Variants in PKNOX2 observed in about 807,000 individuals in gnomAD.
PKNOX2 encodes the protein homeobox protein PKNOX2.
A neutral mutation model predicts 53.1 loss-of-function variants in PKNOX2; 14 were observed. The observed-to-expected ratio is 0.26, with a 90% confidence interval of 0.17 to 0.41. The LOEUF is 0.41. Among genes scored for constraint, PKNOX2 ranks in the 10% least tolerant of loss-of-function variants. The probability of loss-of-function intolerance (pLI) is 1.00; values close to 1 mark genes in which losing one functional copy is unlikely to be tolerated. For synonymous variants in PKNOX2, 257 were observed against 242.8 expected (o/e 1.06, Z -0.54); for missense variants, 496 against 602.8 (o/e 0.82, Z 1.85).
chr11:125,400,375 T>C (rs1452189493), intron 7 of PKNOX2, among the ~76,000 whole-genome samples: 1 of 152,184 alleles, frequency 6.6e-6, no homozygotes, highest in Non-Finnish European at 1.5e-5. Context: ...TCAGCCCACC[T>C]GCACACCCAT....
intron 11 of PKNOX2, 67 bp from the exon 12 acceptor site, chr11:125,429,896 C>T: frequency 6.7e-7 from 1 of 1,502,622 alleles, no homozygotes; most frequent in Non-Finnish European, 9.0e-7. Context: ...CAGCTTCACC[C>T]TCCCTGCCCC....
chr11:125,345,184 T>A (rs1950904978), intron 3 of PKNOX2, among the ~76,000 whole-genome samples: 1 of 152,162 alleles, frequency 6.6e-6, no homozygotes, highest in Non-Finnish European at 1.5e-5. Flanking sequence ...GTGTTTGCTG[T>A]GCTGTAAGGT....
intron 1 of PKNOX2, among the ~76,000 whole-genome samples, chr11:125,180,824 A>G (rs1956118895): frequency 6.6e-6 from 1 of 152,200 alleles, no homozygotes; most frequent in Non-Finnish European, 1.5e-5. Context: ...AAAGGCAGCT[A>G]TTGGCAACTG....
intron 2 of PKNOX2, among the ~76,000 whole-genome samples, chr11:125,285,240 C>T (rs901856307): frequency 6.6e-6 from 1 of 152,138 alleles, no homozygotes; most frequent in African/African-American, 2.4e-5. Context: ...GGTGCTCCTA[C>T]ACACAGTCTG....
chr11:125,345,561 C>T (rs1233235808), intron 3 of PKNOX2, among the ~76,000 whole-genome samples: 5 of 152,106 alleles, frequency 3.3e-5, no homozygotes, highest in Non-Finnish European at 4.4e-5. Flanking sequence ...TGTGTGCTCG[C>T]GTGCACCCAC....
At chr11:125,411,949 C>T in intron 10 of PKNOX2, 84 bp downstream of exon 10, 12 of 1,585,470 alleles carry the variant, frequency 7.6e-6, no homozygotes, top group Admixed American at 1.7e-5. Flanking sequence ...CTGCTGTCGG[C>T]TCCAAACCCA....
At chr11:125,207,718 G>T (rs768051916) in intron 1 of PKNOX2, among the ~76,000 whole-genome samples, 1 of 152,042 alleles carries the variant, frequency 6.6e-6, no homozygotes, top group Non-Finnish European at 1.5e-5. Flanking sequence ...GGCAAGTCAG[G>T]GTGGAAGAGA....
chr11:125,226,824 T>A (rs1941736118), intron 1 of PKNOX2, among the ~76,000 whole-genome samples: 1 of 151,586 alleles, frequency 6.6e-6, no homozygotes. Context: ...AGTGTCAGCC[T>A]TCTGGAGTTG....
chr11:125,198,822 C>CCTTCTT (rs200495085), intron 1 of PKNOX2, among the ~76,000 whole-genome samples: 3 of 147,344 alleles, frequency 2.0e-5, no homozygotes, highest in Non-Finnish European at 3.0e-5. Flanking sequence ...TCCTCCTCTT[C>CCTTCTT]CTTCTTCTTC....
chr11:125,208,431 G>A (rs2135434551), intron 1 of PKNOX2, among the ~76,000 whole-genome samples: 1 of 152,192 alleles, frequency 6.6e-6, no homozygotes, highest in African/African-American at 2.4e-5. Flanking sequence ...GATATAAGGA[G>A]TAACAAGAGA....
chr11:125,365,358 G>A (rs985344691), intron 4 of PKNOX2, among the ~76,000 whole-genome samples: 1 of 151,764 alleles, frequency 6.6e-6, no homozygotes, highest in Non-Finnish European at 1.5e-5. Flanking sequence ...ATTAGTTTAG[G>A]TTGGATTTTT....
rs61566505 is a variant in PKNOX2 at position 125,416,511 on chromosome 11, C to T, written c.936+4646C>T. On this transcript the variant is annotated intron_variant, in intron 10 of 12. Coordinates refer to ENST00000298282, the MANE Select transcript of PKNOX2 (RefSeq NM_001382323.2). ...TACTTATCAACAGCGACTCTTTTTG[C>T]ACTCATATTTCATTGGTTTACAGAA... Among the ~76,000 whole-genome samples the T allele has an allele frequency of 2.5e-3, 377 of 151,948 alleles. 12 individuals are homozygous for T. Among genetic ancestry groups the T allele is most frequent in the African/African-American group, 8.6e-3 (353 of 41,272 alleles).
At chr11:125,304,588 T>C (rs878935619) in intron 2 of PKNOX2, among the ~76,000 whole-genome samples, 1 of 152,188 alleles carries the variant, frequency 6.6e-6, no homozygotes, top group Non-Finnish European at 1.5e-5. Context: ...TCCTTATGCA[T>C]CTCAGGTCAC....
chr11:125,228,717 T>C (rs987741337), intron 1 of PKNOX2, among the ~76,000 whole-genome samples: 1 of 152,228 alleles, frequency 6.6e-6, no homozygotes, highest in African/African-American at 2.4e-5. Flanking sequence ...TCGGTTGGTA[T>C]TCCATTATTC....
intron 2 of PKNOX2, among the ~76,000 whole-genome samples, chr11:125,248,315 G>A (rs1032201666): frequency 3.9e-5 from 6 of 152,148 alleles, no homozygotes; most frequent in Non-Finnish European, 5.9e-5. Context: ...AAAAGCAGGT[G>A]TTAAATTCTG....
Position 125,165,354 on chromosome 11 carries a change from G to C in PKNOX2, c.-201+578G>C, listed in dbSNP as rs1954784247. 6.6e-6 allele frequency among the ~76,000 whole-genome samples: 1 copy of C among 152,074 alleles called. No homozygotes were observed. Among genetic ancestry groups the C allele is most frequent in the Non-Finnish European group, 1.5e-5 (1 of 67,982 alleles). On this transcript the variant is annotated intron_variant, in intron 1 of 12. Coordinates refer to ENST00000298282, the MANE Select transcript of PKNOX2 (RefSeq NM_001382323.2). This position sits in a 1 kb window ranked among gnomAD's most constrained non-coding sequence, Gnocchi z 4.5. ...CCGAGCCCGGGTGCAGAAGGCTCCC[G>C]GCCGGGCGCTCCGCGGGGAGAGGCT...
intron 2 of PKNOX2, among the ~76,000 whole-genome samples, chr11:125,322,016 G>A (rs142053447): frequency 3.9e-5 from 6 of 152,230 alleles, no homozygotes; most frequent in African/African-American, 1.4e-4. Context: ...TTCCCAAAAG[G>A]CTCCATCTTT....
intron 2 of PKNOX2, among the ~76,000 whole-genome samples, chr11:125,300,863 T>C (rs1042412939): frequency 6.6e-6 from 1 of 152,178 alleles, no homozygotes; most frequent in African/African-American, 2.4e-5. Context: ...CTACTTGGCA[T>C]GTTGCAGGCA....
At chr11:125,282,247 T>C (rs1367641681) in intron 2 of PKNOX2, among the ~76,000 whole-genome samples, 5 of 152,270 alleles carry the variant, frequency 3.3e-5, no homozygotes, top group Admixed American at 1.3e-4. Flanking sequence ...TGCCCATTTT[T>C]AGCCGCATGG....
Sources: allele counts gnomAD v4.1 joint callset (sites outside exome capture counted in the v4.1 genomes callset), GRCh38; gene constraint gnomAD v4.1.1; non-coding constraint Gnocchi (gnomAD v3.1); transcripts MANE v1.5; gene names NCBI Gene and HGNC (gene_info 2026-07-23, HGNC 2026-07-21).